The following DNHD1 variants were observed in gnomAD, a reference collection of about 807,000 sequenced individuals.
DNHD1 encodes dynein heavy chain domain-containing protein 1.
In DNHD1, 383 loss-of-function variants were observed where a neutral mutation model predicts 458.1. That is an observed-to-expected ratio of 0.84 (90% CI 0.77 to 0.91). DNHD1 has a LOEUF of 0.91. Among genes scored for constraint, DNHD1 ranks in the 40% least tolerant of loss-of-function variants. DNHD1 has a pLI of 0.00. For missense variants in DNHD1, 5,336 were observed against 5,866.1 expected (o/e 0.91, Z 2.95); for synonymous variants, 2,203 against 2,376.9 (o/e 0.93, Z 2.13).
intron 4 of DNHD1, among the ~76,000 whole-genome samples, chr11:6,504,457 T>C (rs1852191212): frequency 6.6e-6 from 1 of 152,238 alleles, no homozygotes. Context: ...ACTTTCTTTT[T>C]GTCTTTTTTG....
At position 6,570,955 on chromosome 11, in the gene DNHD1, G is replaced by A; in HGVS notation, c.13443G>A (p.Leu4481=). 1 of 1,608,000 alleles carries A rather than the reference G, an allele frequency of 6.2e-7. No individual in the cohort carries two copies. The highest frequency in any genetic ancestry group is 1.3e-5 in the African/African-American group (1 of 74,920). Residue 4481 remains leucine (L), a synonymous_variant, in exon 42 of 43, where the codon CTG becomes CTA. Transcript: ENST00000254579. ...SVLGPNARRP[L]EGVLETEALE... is the part of the protein sequence containing the mutation. ...TGGGGCCAAATGCACGGCGGCCTCT[G>A]GAGGGCGTCTTAGAGACCGAGGCTC...
rs148449070 is a variant in DNHD1, at chr11:6,511,395, G to A, written c.1358G>A (p.Arg453His). ...CATAAGGCTCTACGGCTGCTCCATC[G>A]TTGCCTAAACCTCTGCACATCCATT... ...EKHKALRLLH[R>H]CLNLCTSILR... is the part of the protein sequence containing the mutation. Residue 453 changes from arginine (R) to histidine (H), a missense_variant, in exon 7 of 43, where the codon CGT becomes CAT. Transcript: ENST00000254579. 7.1e-5 allele frequency: 114 copies of A among 1,614,070 alleles called. No individual in the cohort carries two copies. Among genetic ancestry groups the A allele is most frequent in the Middle Eastern group, 1.6e-4 (1 of 6,084 alleles).
chr11:6,510,993 T>C (rs2555150), intron 6 of DNHD1, among the ~76,000 whole-genome samples: 86,533 of 152,022 alleles, frequency 0.57, 25,656 homozygotes, highest in African/African-American at 0.72. Flanking sequence ...GACCTTGGTA[T>C]CTATTTGACC....
chr11:6,519,341 G>A (rs142461801), intron 7 of DNHD1, among the ~76,000 whole-genome samples: 271 of 152,174 alleles, frequency 1.8e-3, no homozygotes, highest in African/African-American at 6.3e-3. Context: ...TTCCACCCTG[G>A]GGGTTTTCAG....
rs761513418 is a variant in DNHD1, at chr11:6,546,349, C to G, written c.5410C>G (p.Leu1804Val). Reference sequence around the variant, plus strand: ...GTCTGTGCGCCTTGGCTATGGCTGTCTCCTGGTACTGCGTGCCCTGAGCTC... The same window carrying G: ...GTCTGTGCGCCTTGGCTATGGCTGTGTCCTGGTACTGCGTGCCCTGAGCTC... ...HVSVRLGYGC[L>V]LVLRALSSAV... Residue 1804 changes from leucine to valine, a missense_variant, in exon 21 of 43, where the codon CTC becomes GTC. By Grantham distance (32) the Leu-to-Val change is conservative. This residue lies in a region of DNHD1 where 3,932 missense variants were observed against 4,365.6 expected (regional missense o/e 0.90). Transcript: ENST00000254579. 7.1e-6 allele frequency: 11 copies of G among 1,552,222 alleles called. No individual in the cohort carries two copies. The African/African-American group carries it at 8.2e-5, about 12-fold the overall frequency.
At chr11:6,562,775 C>T (rs185008918) in intron 28 of DNHD1, among the ~76,000 whole-genome samples, 22 of 152,270 alleles carry the variant, frequency 1.4e-4, no homozygotes, top group Admixed American at 1.4e-3. Context: ...AGCAACCACA[C>T]ACTTGGGGCT....
intron 12 of DNHD1, among the ~76,000 whole-genome samples, chr11:6,530,567 G>A (rs1301377902): frequency 6.6e-6 from 1 of 152,222 alleles, no homozygotes; most frequent in Non-Finnish European, 1.5e-5. Context: ...ACTAGATCCT[G>A]TTGGACCCGT....
rs371144829 is a variant in DNHD1, at chr11:6,512,311, T to C, written c.1392+882T>C. On this transcript the variant is annotated intron_variant, in intron 7 of 42. Coordinates refer to ENST00000254579, the MANE Select transcript of DNHD1 (RefSeq NM_144666.3). ...TCTCGGCTCACTGCAAGCTCTGCCT[T>C]CCGGGTTCACGCCATTCTCCTGCCT... Among the ~76,000 whole-genome samples the C allele has an allele frequency of 6.4e-4, 93 of 145,334 alleles. 1 individual carries two copies. The highest frequency in any genetic ancestry group is 2.7e-3 in the East Asian group (13 of 4,872).
At chr11:6,500,998 G>A (rs772521379) in intron 3 of DNHD1, among the ~76,000 whole-genome samples, 78 of 152,000 alleles carry the variant, frequency 5.1e-4, no homozygotes, top group Admixed American at 2.2e-3. Context: ...AAAGCATGTG[G>A]GGGGAGTGTT....
chr11:6,557,906 C>A lies in DNHD1; in HGVS notation c.8611C>A (p.His2871Asn). Residue 2871 changes from histidine (H) to asparagine (N), a missense_variant, in exon 25 of 43, where the codon CAC (histidine) becomes AAC (asparagine). Physicochemically the swap from His to Asn is moderately conservative, Grantham distance 68 (BLOSUM62 1). Coordinates refer to ENST00000254579, the MANE Select transcript of DNHD1 (RefSeq NM_144666.3). ...GGCCCGGTGTCATTCCATGGCCCAG[C>A]ACGTGGCCCGCCTGGTCCGGGTGCT... ...HLARCHSMAQ[H>N]VARLVRVLAR... 6.4e-7 allele frequency: 1 copy of A among 1,551,312 alleles called. No homozygotes were observed. The highest frequency in any genetic ancestry group is 8.7e-7 in the Non-Finnish European group (1 of 1,146,974).
chr11:6,570,192 G>T, intron 40 of DNHD1, 55 bp from the exon 41 acceptor site: 1 of 1,613,688 alleles, frequency 6.2e-7, no homozygotes, highest in South Asian at 1.1e-5. Context: ...CTTTGGTTTT[G>T]GCGGTGGTGG....
chr11:6,499,099 T>C, intron 3 of DNHD1, 138 bp downstream of exon 3: 1 of 982,082 alleles, frequency 1.0e-6, no homozygotes, highest in Non-Finnish European at 1.4e-6. Context: ...ACAAAGCTAG[T>C]GTGAGGCTAC....
chr11:6,543,112 A>G (rs1297591151), intron 18 of DNHD1, among the ~76,000 whole-genome samples: 1 of 152,234 alleles, frequency 6.6e-6, no homozygotes, highest in African/African-American at 2.4e-5. Flanking sequence ...GGCTGAAAGC[A>G]TTAGTCCAGT....
Position 6,571,951 on chromosome 11 carries a change from A to G in DNHD1, c.14227A>G (p.Arg4743Gly). 6.2e-7 allele frequency: 1 copy of G among 1,613,336 alleles called. No individual in the cohort carries two copies. Among genetic ancestry groups the G allele is most frequent in the South Asian group, 1.1e-5 (1 of 91,012 alleles). ...GCTCACCCCCAACACCTGTGTCCAAAGGAGGGTCCATGTGTGCAGCCCACC... is the reference window on the plus strand; with the variant it reads ...GCTCACCCCCAACACCTGTGTCCAAGGGAGGGTCCATGTGTGCAGCCCACC... The part of the protein sequence containing the change: ...TKLTPNTCVQ[R>G]RVHVCSPPLS Residue 4743 changes from arginine to glycine, a missense_variant, in exon 43 of 43, where the codon AGG becomes GGG. Physicochemically the swap from Arg to Gly is moderately radical, Grantham distance 125. Transcript: ENST00000254579. This position sits in a 1 kb window ranked among gnomAD's most constrained non-coding sequence, Gnocchi z 5.0.
intron 26 of DNHD1, 52 bp downstream of exon 26, chr11:6,558,745 G>A (rs1198154826): frequency 6.5e-7 from 1 of 1,536,050 alleles, no homozygotes; most frequent in East Asian, 2.4e-5. Context: ...GCTCTAATGA[G>A]GGTTATTACC....
rs769009602 is a variant in DNHD1 at position 6,568,838 on chromosome 11, A to G, written c.12835A>G (p.Thr4279Ala). 6.8e-6 allele frequency: 11 copies of G among 1,612,176 alleles called. No homozygotes were observed. Among genetic ancestry groups the G allele is most frequent in the Non-Finnish European group, 1.7e-6 (2 of 1,179,306 alleles). ...GLLLHRQLYG[T>A]RLQAHRGRWS... ...CCTGCTACACCGGCAGCTCTATGGAACAAGGCTGCAGGCACACAGGGGGCG... is the reference window on the plus strand; with the variant it reads ...CCTGCTACACCGGCAGCTCTATGGAGCAAGGCTGCAGGCACACAGGGGGCG... The change falls in exon 39 of 43, where the codon ACA (threonine) becomes GCA (alanine). Residue 4279 changes from threonine (T) to alanine (A), a missense_variant. Coordinates refer to ENST00000254579, the MANE Select transcript of DNHD1 (RefSeq NM_144666.3).
intron 24 of DNHD1, among the ~76,000 whole-genome samples, chr11:6,555,410 T>A (rs971810287): frequency 1.3e-5 from 2 of 152,226 alleles, no homozygotes; most frequent in Non-Finnish European, 1.5e-5. Context: ...AGAATAAGTT[T>A]TCTGTGTGAA....
chr11:6,523,091 T>C (rs1425516491), intron 10 of DNHD1, among the ~76,000 whole-genome samples: 1 of 152,206 alleles, frequency 6.6e-6, no homozygotes, highest in African/African-American at 2.4e-5. Flanking sequence ...CCTTAAACTT[T>C]AGTATGGCAA....
chr11:6,551,738 G>T (rs2345346), intron 24 of DNHD1, among the ~76,000 whole-genome samples: 46,625 of 152,020 alleles, frequency 0.31, 8,168 homozygotes, highest in East Asian at 0.78. Flanking sequence ...GTCAGGAGAT[G>T]GAGACCATCC....
Sources: gnomAD v4.1 joint callset for allele counts (sites outside exome capture counted in the v4.1 genomes callset) on GRCh38, gnomAD v4.1.1 for gene constraint, gnomAD v4.1.1 regional missense constraint, Gnocchi (gnomAD v3.1) non-coding constraint, MANE v1.5 for transcripts, NCBI Gene and HGNC (gene_info 2026-07-23, HGNC 2026-07-21) for gene names.